Variants in DPP10 observed in about 807,000 individuals in gnomAD.
The protein encoded by DPP10 is inactive dipeptidyl peptidase 10.
In DPP10, 33 loss-of-function variants were observed where a neutral mutation model predicts 120.9. The observed-to-expected ratio is 0.27, with a 90% CI of 0.21 to 0.37. The LOEUF is 0.37. Ranked by LOEUF, DPP10 falls within the 10% of genes least tolerant of loss-of-function variation. The pLI, the probability that DPP10 is intolerant of heterozygous loss-of-function variation, is 1.00. For missense variants in DPP10, 816 were observed against 942.8 expected (o/e 0.87, Z 1.76); for synonymous variants, 337 against 326.1 (o/e 1.03, Z -0.36).
intron 1 of DPP10, among the ~76,000 whole-genome samples, chr2:114,755,484 G>C (rs1679642209): frequency 1.3e-5 from 2 of 152,138 alleles, no homozygotes; most frequent in South Asian, 2.1e-4. Flanking sequence ...GACTAAAGCA[G>C]GTTTGGTTTC....
intron 1 of DPP10, among the ~76,000 whole-genome samples, chr2:114,897,845 A>T (rs531779460): frequency 1.3e-5 from 2 of 152,108 alleles, no homozygotes; most frequent in South Asian, 4.2e-4. Context: ...AAGTCAGGAA[A>T]CAACAGGTGC....
chr2:114,693,449 T>C (rs1699888271), intron 1 of DPP10, among the ~76,000 whole-genome samples: 1 of 151,998 alleles, frequency 6.6e-6, no homozygotes, highest in Non-Finnish European at 1.5e-5. Flanking sequence ...AGAAGTCCAC[T>C]GTTAGTCTGA....
chr2:114,843,554 G>A (rs112330022), intron 1 of DPP10, among the ~76,000 whole-genome samples: 300 of 152,202 alleles, frequency 2.0e-3, no homozygotes, highest in African/African-American at 7.0e-3. Context: ...TTAAATTTCA[G>A]TGTTTGTCAT....
intron 1 of DPP10, among the ~76,000 whole-genome samples, chr2:115,118,860 C>G (rs929612384): frequency 1.3e-5 from 2 of 151,700 alleles, no homozygotes; most frequent in Non-Finnish European, 2.9e-5. Context: ...AGTGATCCAC[C>G]CACCTCGGCC....
intron 1 of DPP10, among the ~76,000 whole-genome samples, chr2:114,918,750 C>T (rs1694985101): frequency 1.3e-5 from 2 of 152,044 alleles, no homozygotes; most frequent in South Asian, 4.1e-4. Flanking sequence ...ACACTGAGTA[C>T]ACATGTACAC....
intron 1 of DPP10, among the ~76,000 whole-genome samples, chr2:114,477,813 ATG>A (rs144036457): frequency 6.7e-6 from 1 of 149,256 alleles, no homozygotes; most frequent in African/African-American, 2.4e-5. Context: ...ATACATACAT[ATG>A]TGTGTATATA....
chr2:115,815,786 C>G, intron 21 of DPP10, 57 bp downstream of exon 21: 17 of 1,454,670 alleles, frequency 1.2e-5, no homozygotes, highest in Non-Finnish European at 1.4e-5. Flanking sequence ...TATGTAATAT[C>G]CTATTACACA....
At chr2:114,866,034 C>A (rs368786417) in intron 1 of DPP10, among the ~76,000 whole-genome samples, 10 of 151,928 alleles carry the variant, frequency 6.6e-5, no homozygotes, top group African/African-American at 2.4e-4. Flanking sequence ...ATCGCTTGAA[C>A]CTGGGGGGCG....
At chr2:115,663,027 T>C (rs2149415004) in intron 5 of DPP10, among the ~76,000 whole-genome samples, 1 of 152,174 alleles carries the variant, frequency 6.6e-6, no homozygotes, top group East Asian at 1.9e-4. Context: ...TGTGGGTACA[T>C]ACTAGGTGTA....
chr2:115,104,406 A>G (rs1227789079), intron 1 of DPP10, among the ~76,000 whole-genome samples: 1 of 152,052 alleles, frequency 6.6e-6, no homozygotes, highest in Non-Finnish European at 1.5e-5. Flanking sequence ...TATTACTTAC[A>G]TCCATGAAAA....
intron 1 of DPP10, among the ~76,000 whole-genome samples, chr2:115,068,343 A>G (rs1426122411): frequency 2.0e-5 from 3 of 149,534 alleles, no homozygotes; most frequent in Non-Finnish European, 4.5e-5. Context: ...TTTTTTTTTC[A>G]TGTACCTATT....
intron 1 of DPP10, among the ~76,000 whole-genome samples, chr2:114,583,533 G>A (rs1371388653): frequency 6.6e-6 from 1 of 152,144 alleles, no homozygotes. Flanking sequence ...ATGAGTTTGG[G>A]TCTGCCTAAC....
rs1176000767 is a variant in DPP10, at chr2:114,466,804, G to T, written c.60+23966G>T. Among the ~76,000 whole-genome samples, 5 of 152,146 alleles carry T rather than the reference G, an allele frequency of 3.3e-5. No individual in the cohort carries two copies. In the South Asian group the frequency reaches 8.3e-4, roughly 25 times the overall value. On this transcript the variant is annotated intron_variant, in intron 1 of 25. Transcript: ENST00000410059. ...CATGCCTGTAATCCCAGCACTTTGG[G>T]AGGCTGAGGTGGGTGGGTCGCTTGA...
At chr2:115,620,084 A>G (rs970060965) in intron 5 of DPP10, among the ~76,000 whole-genome samples, 1 of 152,158 alleles carries the variant, frequency 6.6e-6, no homozygotes, top group Non-Finnish European at 1.5e-5. Context: ...TCGTTGCAAT[A>G]TACACCAGCT....
intron 1 of DPP10, among the ~76,000 whole-genome samples, chr2:114,726,131 G>A (rs1702032436): frequency 6.6e-6 from 1 of 151,976 alleles, no homozygotes; most frequent in South Asian, 2.1e-4. Context: ...AGCTACTCTG[G>A]AGGCTGAGGC....
intron 1 of DPP10, among the ~76,000 whole-genome samples, chr2:114,602,300 A>G (rs1405646376): frequency 1.3e-5 from 2 of 150,914 alleles, no homozygotes; most frequent in Non-Finnish European, 2.9e-5. Context: ...CTATTCCTGT[A>G]TGTAATACTT....
chr2:115,356,908 G>A (rs752776629), intron 3 of DPP10, among the ~76,000 whole-genome samples: 3 of 152,062 alleles, frequency 2.0e-5, no homozygotes, highest in Non-Finnish European at 2.9e-5. Flanking sequence ...GGATTAAATG[G>A]TAGTTCTATT....
At chr2:115,520,899 T>C (rs2077764739) in intron 4 of DPP10, among the ~76,000 whole-genome samples, 1 of 152,144 alleles carries the variant, frequency 6.6e-6, no homozygotes, top group Non-Finnish European at 1.5e-5. Flanking sequence ...GGCCTCTTAA[T>C]AGGGACATTA....
intron 1 of DPP10, among the ~76,000 whole-genome samples, chr2:115,149,694 G>C (rs145370235): frequency 6.6e-6 from 1 of 150,940 alleles, no homozygotes; most frequent in African/African-American, 2.5e-5. Context: ...TTGTTTGTCT[G>C]TTTGTTTGTT....
Sources: allele counts gnomAD v4.1 joint callset (sites outside exome capture counted in the v4.1 genomes callset), GRCh38; gene constraint gnomAD v4.1.1; transcripts MANE v1.5; gene names NCBI Gene and HGNC (gene_info 2026-07-23, HGNC 2026-07-21).